Variants in C16orf74 observed in about 807,000 individuals in gnomAD.
The protein encoded by C16orf74 is calcimembrin, also known as uncharacterized protein C16orf74.
Under a neutral mutation model 6.5 loss-of-function variants are expected in C16orf74, and 10 were observed. That is an observed-to-expected ratio of 1.54 (90% CI 0.95 to 2.61). The LOEUF (loss-of-function observed/expected upper bound fraction) is 2.61. Among genes scored for constraint, C16orf74 ranks in the 30% most tolerant of loss-of-function variants. The probability of loss-of-function intolerance (pLI) is 0.00; values close to 1 mark genes in which losing one functional copy is unlikely to be tolerated. For missense variants in C16orf74, 141 were observed against 105.9 expected (o/e 1.33, Z -1.45); for synonymous variants, 60 against 42.5 (o/e 1.41, Z -1.60).
chr16:85,743,352 C>G (rs781184597), intron 1 of C16orf74: 1 of 152,200 alleles, frequency 6.6e-6, no homozygotes, highest in Non-Finnish European at 1.5e-5. Context: ...GTGCCAAATT[C>G]TGGGCCAAGT....
chr16:85,748,578 A>C (rs2054400084), intron 1 of C16orf74, among the ~76,000 whole-genome samples: 1 of 152,176 alleles, frequency 6.6e-6, no homozygotes, highest in African/African-American at 2.4e-5. Context: ...AGCCTGGGTG[A>C]CAGAGCAAGA....
At chr16:85,709,650 G>A (rs1252780346) in intron 3 of C16orf74, among the ~76,000 whole-genome samples, 2 of 152,158 alleles carry the variant, frequency 1.3e-5, no homozygotes, top group Non-Finnish European at 2.9e-5. Flanking sequence ...TAGGGCTGCC[G>A]ATTTGGGCCT....
intron 2 of C16orf74, among the ~76,000 whole-genome samples, chr16:85,713,349 G>A (rs1211282512): frequency 6.6e-6 from 1 of 152,122 alleles, no homozygotes; most frequent in Non-Finnish European, 1.5e-5. Context: ...TCAGCTCACT[G>A]CAACCTCTGC....
chr16:85,714,355 CTG>C (rs2053998196), intron 2 of C16orf74, among the ~76,000 whole-genome samples: 3 of 151,858 alleles, frequency 2.0e-5, no homozygotes, highest in Non-Finnish European at 4.4e-5. Flanking sequence ...AACCCCAACA[CTG>C]TTTCCTCCTT....
intron 2 of C16orf74, among the ~76,000 whole-genome samples, chr16:85,714,757 G>A (rs868192924): frequency 1.3e-5 from 2 of 151,842 alleles, no homozygotes; most frequent in South Asian, 4.2e-4. Flanking sequence ...GTAGTTTTGA[G>A]GGAAGAGGCC....
At chr16:85,733,595 T>C (rs1028813779) in intron 2 of C16orf74, among the ~76,000 whole-genome samples, 9 of 152,198 alleles carry the variant, frequency 5.9e-5, no homozygotes, top group African/African-American at 2.2e-4. Context: ...CCTCAATGCC[T>C]ACTTTGTGAC....
intron 2 of C16orf74, among the ~76,000 whole-genome samples, chr16:85,731,727 A>T (rs1437526905): frequency 1.3e-5 from 2 of 151,250 alleles, no homozygotes; most frequent in African/African-American, 4.9e-5. Flanking sequence ...TGGCTCTGTC[A>T]CCCAGGCTGG....
intron 2 of C16orf74, among the ~76,000 whole-genome samples, chr16:85,721,200 G>A (rs999832073): frequency 8.6e-5 from 13 of 151,976 alleles, no homozygotes; most frequent in African/African-American, 2.9e-4. Flanking sequence ...GGAAACAAGA[G>A]CAGGACAACC....
intron 2 of C16orf74, among the ~76,000 whole-genome samples, chr16:85,734,388 G>A (rs2054221785): frequency 6.6e-6 from 1 of 152,110 alleles, no homozygotes; most frequent in Non-Finnish European, 1.5e-5. Flanking sequence ...CCCAGGCTTG[G>A]CTCAGCTCCC....
At chr16:85,712,972 C>G (rs908118722) in intron 2 of C16orf74, among the ~76,000 whole-genome samples, 1 of 152,208 alleles carries the variant, frequency 6.6e-6, no homozygotes, top group East Asian at 1.9e-4. Flanking sequence ...AGCAATCAAT[C>G]AGCCTCCAGA....
chr16:85,718,673 C>A (rs1443673462), intron 2 of C16orf74, among the ~76,000 whole-genome samples: 1 of 152,224 alleles, frequency 6.6e-6, no homozygotes, highest in Non-Finnish European at 1.5e-5. Context: ...CAATGCGGTG[C>A]GATGATTCTA....
chr16:85,743,590 T>A (rs2152066345), intron 1 of C16orf74: 1 of 152,308 alleles, frequency 6.6e-6, no homozygotes, highest in East Asian at 1.9e-4. Context: ...ATTGTTTGAG[T>A]TTGTTACAAA....
Position 85,707,606 on chromosome 16 carries a change from A to T in C16orf74, c.*402T>A, listed in dbSNP as rs1385153909. On this transcript the variant is annotated 3_prime_UTR_variant, in exon 4 of 4. Coordinates refer to ENST00000284245, the MANE Select transcript of C16orf74 (RefSeq NM_206967.3). ...TCCGTATCTGTAAAACAACTTATAA[A>T]AAACAGCCACTCCACCTGCAAGAAG... 1.0e-5 allele frequency: 2 copies of T among 192,446 alleles called. No individual in the cohort carries two copies. Among genetic ancestry groups the T allele is most frequent in the Non-Finnish European group, 2.1e-5 (2 of 95,098 alleles). 11.9% of individuals were successfully genotyped at this position (192,446 alleles called of 1,614,324 possible). A position where few individuals can be genotyped will look rare whatever the true frequency, so the allele number is the denominator to read the frequency against.
chr16:85,714,832 A>G (rs1283568498), intron 2 of C16orf74, among the ~76,000 whole-genome samples: 2 of 151,850 alleles, frequency 1.3e-5, no homozygotes, highest in African/African-American at 4.8e-5. Flanking sequence ...AAGCAGGTCT[A>G]ATACAGTGGG....
At chr16:85,746,675 C>T (rs1261705269) in intron 1 of C16orf74, among the ~76,000 whole-genome samples, 2 of 152,142 alleles carry the variant, frequency 1.3e-5, no homozygotes, top group Admixed American at 6.5e-5. Flanking sequence ...GACTGTTTGC[C>T]AGGTGAGTGG....
chr16:85,747,902 T>G (rs1052444066), intron 1 of C16orf74, among the ~76,000 whole-genome samples: 6 of 151,556 alleles, frequency 4.0e-5, no homozygotes, highest in Admixed American at 6.6e-5. Context: ...CCTGGCCAAC[T>G]TGGTGAAACC....
intron 2 of C16orf74, among the ~76,000 whole-genome samples, chr16:85,724,474 G>T (rs1375260026): frequency 1.3e-5 from 2 of 152,186 alleles, no homozygotes; most frequent in African/African-American, 4.8e-5. Flanking sequence ...ACCTCAGGTG[G>T]GAGCTTTACC....
At chr16:85,737,848 G>C (rs926931769) in intron 1 of C16orf74, among the ~76,000 whole-genome samples, 1 of 151,804 alleles carries the variant, frequency 6.6e-6, no homozygotes, top group Non-Finnish European at 1.5e-5. Context: ...AAAAAACAAA[G>C]AACAAGCTTG....
intron 2 of C16orf74, among the ~76,000 whole-genome samples, chr16:85,715,676 T>C (rs1270185628): frequency 1.3e-5 from 2 of 152,202 alleles, no homozygotes; most frequent in African/African-American, 4.8e-5. Context: ...ACTTTCTTTC[T>C]AAAAGCAGGC....
Sources: gnomAD v4.1 joint callset for allele counts (sites outside exome capture counted in the v4.1 genomes callset) on GRCh38, gnomAD v4.1.1 for gene constraint, MANE v1.5 for transcripts, NCBI Gene and HGNC (gene_info 2026-07-23, HGNC 2026-07-21) for gene names.